The following MGAT4C variants were observed in gnomAD, a reference collection of about 807,000 sequenced individuals.
MGAT4C encodes MGAT4 family member C.
In MGAT4C, 19 loss-of-function variants were observed where a neutral mutation model predicts 40.1. The observed-to-expected ratio is 0.47, with a 90% confidence interval of 0.33 to 0.70. The LOEUF (loss-of-function observed/expected upper bound fraction) is 0.70. Ranked by LOEUF, MGAT4C falls within the 30% of genes least tolerant of loss-of-function variation. The pLI, the probability that MGAT4C is intolerant of heterozygous loss-of-function variation, is 0.02. For synonymous variants in MGAT4C, 181 were observed against 187.1 expected (o/e 0.97, Z 0.27); for missense variants, 491 against 563.2 (o/e 0.87, Z 1.30).
intron 2 of MGAT4C, among the ~76,000 whole-genome samples, chr12:86,536,028 A>T (rs998199278): frequency 2.0e-5 from 3 of 152,152 alleles, no homozygotes; most frequent in Non-Finnish European, 2.9e-5. Context: ...ATGAAACATT[A>T]GAAATTTAAA....
intron 2 of MGAT4C, among the ~76,000 whole-genome samples, chr12:86,004,341 A>G (rs1887653382): frequency 6.6e-6 from 1 of 152,100 alleles, no homozygotes; most frequent in Non-Finnish European, 1.5e-5. Context: ...TCTTAGTTTA[A>G]TGTCATCAGT....
At chr12:86,512,494 A>T (rs2136349726) in intron 2 of MGAT4C, among the ~76,000 whole-genome samples, 1 of 152,246 alleles carries the variant, frequency 6.6e-6, no homozygotes, top group East Asian at 1.9e-4. Context: ...TGATACTTGG[A>T]GTATCATTCA....
chr12:86,087,235 C>T (rs949131377), intron 1 of MGAT4C, among the ~76,000 whole-genome samples: 1 of 151,954 alleles, frequency 6.6e-6, no homozygotes, highest in African/African-American at 2.4e-5. Context: ...TTTGAAGAAC[C>T]TCAATACTGT....
intron 4 of MGAT4C, among the ~76,000 whole-genome samples, chr12:86,263,690 C>G (rs1175785742): frequency 6.6e-6 from 1 of 152,194 alleles, no homozygotes; most frequent in South Asian, 2.1e-4. Context: ...GGGAGATACC[C>G]AGTAGTGTGA....
chr12:86,425,953 T>C (rs1200999479), intron 3 of MGAT4C, among the ~76,000 whole-genome samples: 1 of 152,156 alleles, frequency 6.6e-6, no homozygotes, highest in Non-Finnish European at 1.5e-5. Flanking sequence ...AATCATATAC[T>C]CCAGTCCAGA....
intron 2 of MGAT4C, among the ~76,000 whole-genome samples, chr12:86,447,118 TTTTGTTTG>T (rs796108484): frequency 6.6e-6 from 1 of 151,944 alleles, no homozygotes; most frequent in Non-Finnish European, 1.5e-5. Context: ...GCAGCATTCT[TTTTGTTTG>T]TTTGTTTGTT....
intron 1 of MGAT4C, among the ~76,000 whole-genome samples, chr12:86,808,299 C>T (rs961443057): frequency 6.6e-6 from 1 of 152,006 alleles, no homozygotes; most frequent in Non-Finnish European, 1.5e-5. Context: ...TATCTTGATA[C>T]CAAAATCTGG....
intron 2 of MGAT4C, among the ~76,000 whole-genome samples, chr12:86,484,322 G>C (rs1420373569): frequency 1.3e-5 from 2 of 152,216 alleles, no homozygotes; most frequent in Non-Finnish European, 1.5e-5. Flanking sequence ...CAGGCCAAGA[G>C]AGAGCAGAAC....
intron 2 of MGAT4C, among the ~76,000 whole-genome samples, chr12:86,574,201 G>A (rs1960476245): frequency 6.6e-6 from 1 of 151,756 alleles, no homozygotes; most frequent in African/African-American, 2.4e-5. Flanking sequence ...AAAAGAGAGA[G>A]TATGAGTTGG....
chr12:86,815,105 C>T (rs923408551), intron 1 of MGAT4C, among the ~76,000 whole-genome samples: 1 of 151,962 alleles, frequency 6.6e-6, no homozygotes, highest in African/African-American at 2.4e-5. Flanking sequence ...CAAATAGTTA[C>T]AGTTTGACTT....
chr12:86,285,556 C>T (rs1235598826), intron 4 of MGAT4C, among the ~76,000 whole-genome samples: 1 of 151,750 alleles, frequency 6.6e-6, no homozygotes, highest in Non-Finnish European at 1.5e-5. Context: ...AGTTAGAAAA[C>T]AATAATTACT....
chr12:86,274,969 G>A (rs559483244), intron 4 of MGAT4C, among the ~76,000 whole-genome samples: 1 of 152,220 alleles, frequency 6.6e-6, no homozygotes, highest in African/African-American at 2.4e-5. Flanking sequence ...AAGGGTAGTC[G>A]AACATACGGT....
At chr12:86,504,229 G>A (rs1958430443) in intron 2 of MGAT4C, among the ~76,000 whole-genome samples, 1 of 152,014 alleles carries the variant, frequency 6.6e-6, no homozygotes, top group South Asian at 2.1e-4. Flanking sequence ...TTTGAACCCT[G>A]TCATTATCTG....
chr12:86,481,323 T>C (rs1957933299), intron 2 of MGAT4C, among the ~76,000 whole-genome samples: 1 of 152,018 alleles, frequency 6.6e-6, no homozygotes, highest in South Asian at 2.1e-4. Flanking sequence ...TGGCAAAGAT[T>C]TTTTTAAAGT....
At chr12:86,688,679 C>G (rs964330965) in intron 2 of MGAT4C, among the ~76,000 whole-genome samples, 1 of 152,188 alleles carries the variant, frequency 6.6e-6, no homozygotes, top group Admixed American at 6.5e-5. Context: ...GGCCCCCACT[C>G]TCTTCTAGCT....
At chr12:86,684,379 G>T (rs1350762581) in intron 2 of MGAT4C, among the ~76,000 whole-genome samples, 1 of 152,222 alleles carries the variant, frequency 6.6e-6, no homozygotes, top group African/African-American at 2.4e-5. Flanking sequence ...TTTTATGGCA[G>T]CATAGTATTC....
rs975146627 is a variant in MGAT4C, at chr12:86,626,954, C to T, written c.-229+100255G>A. 5.9e-5 allele frequency among the ~76,000 whole-genome samples: 9 copies of T among 152,320 alleles called. No homozygotes were observed. The Middle Eastern group carries it at 0.014, about 230-fold the overall frequency. On this transcript the variant is annotated intron_variant, in intron 2 of 7. Transcript: ENST00000548651. The stretch of plus-strand genomic sequence containing the variant: ...GGAAGTGCAAGGGGTTGGGGGATTT[C>T]CCTTTCCTAGCCAAGGGAAGCCGTG...
intron 1 of MGAT4C, among the ~76,000 whole-genome samples, chr12:86,760,793 A>T (rs1951391633): frequency 6.6e-6 from 1 of 152,190 alleles, no homozygotes; most frequent in Non-Finnish European, 1.5e-5. Flanking sequence ...TGCATCTACA[A>T]CAACACAAAT....
intron 1 of MGAT4C, among the ~76,000 whole-genome samples, chr12:86,825,808 G>A (rs1305946262): frequency 2.0e-5 from 3 of 151,386 alleles, no homozygotes; most frequent in Non-Finnish European, 3.0e-5. Flanking sequence ...GCTGATGCAA[G>A]TGAACATAAA....
Sources: gnomAD v4.1 joint callset for allele counts (sites outside exome capture counted in the v4.1 genomes callset) on GRCh38, gnomAD v4.1.1 for gene constraint, MANE v1.5 for transcripts, NCBI Gene and HGNC (gene_info 2026-07-23, HGNC 2026-07-21) for gene names.